Variants in AKT3 observed in about 807,000 individuals in gnomAD.
AKT3 encodes RAC-gamma serine/threonine-protein kinase.
AKT3 carries 15 observed loss-of-function variants against 65.3 expected under a neutral mutation model. The observed-to-expected ratio is 0.23, with a 90% CI of 0.15 to 0.35. The LOEUF (loss-of-function observed/expected upper bound fraction) is 0.35. Among genes scored for constraint, AKT3 ranks in the 10% least tolerant of loss-of-function variants. The pLI is 1.00. For missense variants in AKT3, 243 were observed against 576.5 expected (o/e 0.42, Z 5.92); for synonymous variants, 206 against 183.8 (o/e 1.12, Z -0.98).
intron 2 of AKT3, among the ~76,000 whole-genome samples, chr1:243,823,311 C>A (rs539230900): frequency 4.1e-4 from 63 of 152,084 alleles, no homozygotes; most frequent in Non-Finnish European, 7.8e-4. Context: ...AAATCACAGC[C>A]AGTATCTTAC....
At chr1:243,793,054 G>C (rs1454837255) in intron 2 of AKT3, among the ~76,000 whole-genome samples, 1 of 152,246 alleles carries the variant, frequency 6.6e-6, no homozygotes, top group African/African-American at 2.4e-5. Flanking sequence ...AGTAACACCC[G>C]AAGTGAAGCA....
intron 2 of AKT3, among the ~76,000 whole-genome samples, chr1:243,737,756 T>G (rs1284802364): frequency 2.0e-5 from 3 of 152,142 alleles, no homozygotes; most frequent in Non-Finnish European, 2.9e-5. Flanking sequence ...TGGCAATGAT[T>G]AGAACAATAT....
At chr1:243,582,120 C>T (rs879415975) in intron 8 of AKT3, among the ~76,000 whole-genome samples, 3 of 151,944 alleles carry the variant, frequency 2.0e-5, no homozygotes, top group Non-Finnish European at 4.4e-5. Flanking sequence ...CTACAAATTA[C>T]TGGTATTCCT....
At chr1:243,731,887 ACACT>A (rs1395130315) in intron 2 of AKT3, among the ~76,000 whole-genome samples, 3 of 152,196 alleles carry the variant, frequency 2.0e-5, no homozygotes, top group Admixed American at 1.3e-4. Flanking sequence ...AAATGGGAAA[ACACT>A]CAGTGAAATG....
At chr1:243,819,293 G>GT (rs1558842370) in intron 2 of AKT3, among the ~76,000 whole-genome samples, 1 of 152,216 alleles carries the variant, frequency 6.6e-6, no homozygotes, top group African/African-American at 2.4e-5. Context: ...CCAGTTGGCC[G>GT]TTTTTTCCCT....
chr1:243,632,311 A>G (rs1211715639), intron 6 of AKT3, among the ~76,000 whole-genome samples: 1 of 152,226 alleles, frequency 6.6e-6, no homozygotes, highest in Non-Finnish European at 1.5e-5. Flanking sequence ...GCATGAAAAC[A>G]ACATTCATCT....
At chr1:243,491,033 G>C (rs1666273576) in intron 13 of AKT3, among the ~76,000 whole-genome samples, 1 of 152,232 alleles carries the variant, frequency 6.6e-6, no homozygotes, top group South Asian at 2.1e-4. Context: ...CTAAAGCCAA[G>C]AACTCTGTCA....
At chr1:243,594,072 T>A (rs763443246) in intron 8 of AKT3, among the ~76,000 whole-genome samples, 4 of 152,030 alleles carry the variant, frequency 2.6e-5, no homozygotes, top group Non-Finnish European at 4.4e-5. Context: ...AGAAAAAGGG[T>A]TTCTAGAACT....
At chr1:243,725,558 G>A (rs752563822) in intron 2 of AKT3, among the ~76,000 whole-genome samples, 1 of 152,138 alleles carries the variant, frequency 6.6e-6, no homozygotes, top group Non-Finnish European at 1.5e-5. Context: ...CAGTAACACT[G>A]CTCACTGCAT....
downstream of AKT3, among the ~76,000 whole-genome samples, chr1:243,496,487 C>T (rs1452952909): frequency 6.6e-6 from 1 of 152,244 alleles, no homozygotes. Context: ...ACACAAGGAA[C>T]AGGACCACGT....
chr1:243,498,284 A>T (rs1008808583), downstream of AKT3, among the ~76,000 whole-genome samples: 7 of 152,226 alleles, frequency 4.6e-5, no homozygotes, highest in African/African-American at 1.4e-4. Flanking sequence ...TGAGGACAGA[A>T]GGGAGTCCCC....
intron 13 of AKT3, among the ~76,000 whole-genome samples, chr1:243,510,218 G>A (rs753476173): frequency 1.1e-4 from 16 of 152,078 alleles, no homozygotes; most frequent in Non-Finnish European, 1.6e-4. Context: ...AAGCCTGGGT[G>A]TCCTCCCGGC....
At chr1:243,738,988 T>G (rs1687993953) in intron 2 of AKT3, among the ~76,000 whole-genome samples, 1 of 152,156 alleles carries the variant, frequency 6.6e-6, no homozygotes, top group South Asian at 2.1e-4. Flanking sequence ...GAATTCACCA[T>G]CTCTCATTTA....
Position 243,490,328 on chromosome 1 carries a change from C to T in AKT3, c.*7-1878G>A, listed in dbSNP as rs946203736. ...ACTGCTCCCAGGGACTGTGGGGGAG[C>T]GGGCCGCTCAAAGTCCGAGCCACAG... On this transcript the variant is annotated intron_variant, in intron 13 of 13. Transcript: ENST00000336199. Among the ~76,000 whole-genome samples the T allele has an allele frequency of 3.9e-5, 6 of 152,334 alleles. No individual in the cohort carries two copies. In the South Asian group the frequency reaches 6.2e-4, roughly 16 times the overall value.
At chr1:243,489,494 G>C (rs947900933) in intron 13 of AKT3, among the ~76,000 whole-genome samples, 73 of 152,326 alleles carry the variant, frequency 4.8e-4, no homozygotes, top group African/African-American at 1.6e-3. Context: ...TGGTGGCCTT[G>C]AGCTGCCTCT....
At chr1:243,519,455 G>A (rs1322335640) in intron 12 of AKT3, among the ~76,000 whole-genome samples, 1 of 152,136 alleles carries the variant, frequency 6.6e-6, no homozygotes, top group Non-Finnish European at 1.5e-5. Flanking sequence ...AGTGGAAATG[G>A]TCCAGTCAAA....
At position 243,519,300 on chromosome 1, in the gene AKT3, C is replaced by G. The variant is rs138709936; in HGVS notation, c.1252-6874G>C. Among the ~76,000 whole-genome samples, 553 of 152,236 alleles carry G rather than the reference C, an allele frequency of 3.6e-3. 2 individuals carry two copies. Among genetic ancestry groups the G allele is most frequent in the Non-Finnish European group, 4.9e-3 (333 of 68,012 alleles). On this transcript the variant is annotated intron_variant, in intron 12 of 13. Transcript: ENST00000673466. Reference sequence around the variant, plus strand: ...GGTGCCAAAACCATTGCACCCAGATCGGCTGCAGACAAGAGCAGAACTTTC... The same window carrying G: ...GGTGCCAAAACCATTGCACCCAGATGGGCTGCAGACAAGAGCAGAACTTTC...
At chr1:243,551,829 T>C (rs1673086546) in intron 11 of AKT3, among the ~76,000 whole-genome samples, 1 of 152,084 alleles carries the variant, frequency 6.6e-6, no homozygotes, top group African/African-American at 2.4e-5. Flanking sequence ...AATGAATGTA[T>C]AAACATGAAT....
chr1:243,663,845 A>T (rs187689132), intron 4 of AKT3, among the ~76,000 whole-genome samples: 9 of 152,322 alleles, frequency 5.9e-5, no homozygotes, highest in Admixed American at 1.3e-4. Flanking sequence ...GACCTAACTC[A>T]GTATCAGAGT....
Sources: allele counts gnomAD v4.1 joint callset (sites outside exome capture counted in the v4.1 genomes callset), GRCh38; gene constraint gnomAD v4.1.1; transcripts MANE v1.5; gene names NCBI Gene and HGNC (gene_info 2026-07-23, HGNC 2026-07-21).